Variants in CYRIB observed in about 807,000 individuals in gnomAD.
The protein encoded by CYRIB is CYFIP related Rac1 interactor B.
Under a neutral mutation model 44.2 loss-of-function variants are expected in CYRIB, and 8 were observed. That is an observed-to-expected ratio of 0.18 (90% CI 0.11 to 0.33). CYRIB has a LOEUF of 0.33. CYRIB is among the 10% of genes least tolerant of loss of function. The pLI, the probability that CYRIB is intolerant of heterozygous loss-of-function variation, is 1.00. For missense variants in CYRIB, 185 were observed against 382.8 expected (o/e 0.48, Z 4.31); for synonymous variants, 131 against 127.2 (o/e 1.03, Z -0.20).
intron 2 of CYRIB, among the ~76,000 whole-genome samples, chr8:129,962,642 T>TTAAATTTA (rs746320728): frequency 0.062 from 9,459 of 152,158 alleles, 401 homozygotes; most frequent in South Asian, 0.2. Context: ...AATTTAATGG[T>TTAAATTTA]ATCCTTAAAT....
chr8:129,850,039 T>C (rs2042408413), intron 9 of CYRIB: 1 of 152,210 alleles, frequency 6.6e-6, no homozygotes, highest in Non-Finnish European at 1.5e-5. Context: ...GATAGAGACA[T>C]CCAAGCACAT....
In CYRIB at chr8:129,862,428, A is replaced by C. The variant is rs298611; in HGVS notation, c.196-94T>G. On this transcript the variant is annotated intron_variant, in intron 4 of 11. Coordinates refer to ENST00000519824, the Ensembl canonical transcript of CYRIB. ...GTAGGCTTTAGCAAACATAGGAAAC[A>C]CTGGTATAATCCATAAAATATAGAA... The C allele has an allele frequency of 0.51, 482,292 of 937,644 alleles. 126,992 individuals are homozygous for C. The highest frequency in any genetic ancestry group is 0.7 in the African/African-American group (41,228 of 59,110). The allele number at this position is 937,644 out of a possible 1,614,324, so 58.1% of individuals were successfully genotyped here. A position where few individuals can be genotyped will look rare whatever the true frequency, so the allele number is the denominator to read the frequency against.
intron 1 of CYRIB, 38 bp downstream of exon 1, chr8:130,016,332 C>T (rs4075727): frequency 0.2 from 29,180 of 147,222 alleles, 3,230 homozygotes; most frequent in East Asian, 0.47. Flanking sequence ...GCGCGCGGGC[C>T]GGCCGGGCGG....
intron 1 of CYRIB, among the ~76,000 whole-genome samples, chr8:130,011,478 G>C (rs1445152736): frequency 1.3e-5 from 2 of 149,354 alleles, no homozygotes; most frequent in African/African-American, 5.0e-5. Flanking sequence ...CTGAGATCAT[G>C]CCATTGCACT....
At chr8:129,881,881 T>C (rs539414674) in intron 2 of CYRIB, among the ~76,000 whole-genome samples, 9 of 152,348 alleles carry the variant, frequency 5.9e-5, no homozygotes, top group African/African-American at 2.2e-4. Context: ...CAAGCTTTTA[T>C]ATTAAAGGAA....
In CYRIB at chr8:129,922,219, A is replaced by T. The variant is rs562070551; in HGVS notation, c.-50+17389T>A. 2.2e-3 allele frequency among the ~76,000 whole-genome samples: 333 copies of T among 152,300 alleles called. 1 individual carries two copies. The highest frequency in any genetic ancestry group is 7.7e-3 in the African/African-American group (322 of 41,570). ...GTAACCTACCTGTCATCATCCCAAC[A>T]AATTCCTTTTATGTCCAAATTACCT... is the stretch of plus-strand genomic sequence containing the variant. On this transcript the variant is annotated intron_variant, in intron 1 of 11. Coordinates refer to ENST00000519824, the Ensembl canonical transcript of CYRIB.
chr8:129,899,005 A>G (rs2069913533), intron 2 of CYRIB, among the ~76,000 whole-genome samples: 1 of 152,048 alleles, frequency 6.6e-6, no homozygotes, highest in African/African-American at 2.4e-5. Flanking sequence ...CTGGGATTAC[A>G]GGCATGTGCC....
At chr8:129,852,685 G>A (rs558498546) in intron 7 of CYRIB, among the ~76,000 whole-genome samples, 1 of 152,318 alleles carries the variant, frequency 6.6e-6, no homozygotes, top group African/African-American at 2.4e-5. Context: ...AAACTAAGGA[G>A]AAGAGTTATC....
At chr8:129,923,059 T>A (rs1306829895) in intron 1 of CYRIB, among the ~76,000 whole-genome samples, 14 of 133,768 alleles carry the variant, frequency 1.0e-4, no homozygotes, top group Admixed American at 3.9e-4. Flanking sequence ...GGAAACCCCG[T>A]CTCTACTAAA....
intron 1 of CYRIB, among the ~76,000 whole-genome samples, chr8:129,934,589 A>G (rs1376416629): frequency 6.6e-6 from 1 of 152,190 alleles, no homozygotes; most frequent in African/African-American, 2.4e-5. Flanking sequence ...AAAGCCTGGG[A>G]TTAACAAAAG....
chr8:129,988,666 T>A (rs1264128542), intron 1 of CYRIB, among the ~76,000 whole-genome samples: 1 of 152,032 alleles, frequency 6.6e-6, no homozygotes, highest in African/African-American at 2.4e-5. Context: ...CATAGCTTCT[T>A]CCCCTCCGTG....
At chr8:129,919,377 TAC>T (rs2082370928) in intron 1 of CYRIB, among the ~76,000 whole-genome samples, 1 of 152,218 alleles carries the variant, frequency 6.6e-6, no homozygotes, top group East Asian at 1.9e-4. Context: ...AAAGATCAGT[TAC>T]AGACTCCCAA....
intron 1 of CYRIB, among the ~76,000 whole-genome samples, chr8:130,002,486 A>C (rs1189833012): frequency 1.3e-5 from 2 of 152,128 alleles, no homozygotes; most frequent in Non-Finnish European, 2.9e-5. Flanking sequence ...GAGAGGAAAA[A>C]AGAAGGGGAG....
chr8:129,944,782 CA>C (rs753047039), upstream of CYRIB, among the ~76,000 whole-genome samples: 92 of 138,634 alleles, frequency 6.6e-4, no homozygotes, highest in South Asian at 0.011. Context: ...GACTCTGTCT[CA>C]AAAAAAAAAA....
intron 2 of CYRIB, among the ~76,000 whole-genome samples, chr8:129,885,245 C>T (rs1450038740): frequency 6.6e-6 from 1 of 152,208 alleles, no homozygotes; most frequent in African/African-American, 2.4e-5. Flanking sequence ...AAAGGCATCT[C>T]TTTGAAGAGG....
chr8:129,946,284 C>G (rs1320712057), intron 2 of CYRIB, among the ~76,000 whole-genome samples: 1 of 152,210 alleles, frequency 6.6e-6, no homozygotes, highest in Non-Finnish European at 1.5e-5. Flanking sequence ...TTTCAATATG[C>G]TTCAGCACCT....
exon 12 of CYRIB, chr8:129,839,797 C>T (rs2035428484): frequency 6.6e-6 from 1 of 152,232 alleles, no homozygotes; most frequent in Non-Finnish European, 1.5e-5. Context: ...TGTCCACTTA[C>T]TCCTCAACAT....
At position 129,965,364 on chromosome 8, in the gene CYRIB, T is replaced by A. The variant is rs180785604; in HGVS notation, c.-243+5579A>T. ...AAACACTTATACCCTCTTCTTGTTT[T>A]CCTACATCTGGCAGCATACCACATA... On this transcript the variant is annotated intron_variant, in intron 2 of 14. Coordinates refer to the CYRIB transcript ENST00000401979. 5.8e-4 allele frequency among the ~76,000 whole-genome samples: 89 copies of A among 152,216 alleles called. No individual in the cohort carries two copies. The East Asian group carries it at 0.015, about 25-fold the overall frequency.
At chr8:129,887,343 T>C (rs546466229) in intron 2 of CYRIB, among the ~76,000 whole-genome samples, 6 of 152,276 alleles carry the variant, frequency 3.9e-5, no homozygotes, top group South Asian at 4.2e-4. Flanking sequence ...ACAGCAAGAA[T>C]TGTTGAGGCT....
Sources: allele counts gnomAD v4.1 joint callset (sites outside exome capture counted in the v4.1 genomes callset), GRCh38; gene constraint gnomAD v4.1.1; transcripts MANE v1.5; gene names NCBI Gene and HGNC (gene_info 2026-07-23, HGNC 2026-07-21).